The following MID2 variants were observed in gnomAD, a reference collection of about 807,000 sequenced individuals.
MID2 encodes probable E3 ubiquitin-protein ligase MID2.
MID2 carries 13 observed loss-of-function variants against 46.1 expected under a neutral mutation model. That is an observed-to-expected ratio of 0.28 (90% CI 0.18 to 0.45). MID2 has a LOEUF of 0.45. Ranked by LOEUF, MID2 falls within the 20% of genes least tolerant of loss-of-function variation. The pLI, the probability that MID2 is intolerant of heterozygous loss-of-function variation, is 1.00. For synonymous variants in MID2, 199 were observed against 212.3 expected (o/e 0.94, Z 0.55); for missense variants, 431 against 575.4 (o/e 0.75, Z 2.57).
intron 3 of MID2, among the ~76,000 whole-genome samples, chrX:107,869,836 A>G (rs1446905129): frequency 9.0e-6 from 1 of 110,888 alleles, no homozygotes; most frequent in Non-Finnish European, 1.9e-5. Context: ...TTATATTTAA[A>G]AAAAAAACCT....
At position 107,896,820 on chromosome X, in the gene MID2, A is replaced by G. The variant is rs1415880586; in HGVS notation, c.817-7138A>G. Among the ~76,000 whole-genome samples the G allele has an allele frequency of 2.7e-5, 3 of 111,434 alleles. No homozygotes were observed. The East Asian group carries it at 8.5e-4, about 31-fold the overall frequency. Reference sequence around the variant, plus strand: ...CACAGCCTCTCTCTCTCTCACACACACACACACACACGCACGCATACACAC... The same window carrying G: ...CACAGCCTCTCTCTCTCTCACACACGCACACACACACGCACGCATACACAC... On this transcript the variant is annotated intron_variant, in intron 3 of 9. Coordinates refer to ENST00000262843, the MANE Select transcript of MID2 (RefSeq NM_012216.4).
intron 1 of MID2, among the ~76,000 whole-genome samples, chrX:107,833,984 G>C (rs1356982941): frequency 9.1e-6 from 1 of 110,450 alleles, no homozygotes; most frequent in African/African-American, 3.3e-5. Context: ...TGTAGATATG[G>C]GGTCTTGCCA....
intron 2 of MID2, among the ~76,000 whole-genome samples, chrX:107,844,635 A>T (rs977751256): frequency 2.7e-5 from 3 of 111,189 alleles, no homozygotes; most frequent in African/African-American, 9.8e-5. Context: ...ATAGACTTCA[A>T]CTCAATATTA....
intron 3 of MID2, among the ~76,000 whole-genome samples, chrX:107,886,943 A>G (rs1402725290): frequency 8.9e-6 from 1 of 111,816 alleles, no homozygotes; most frequent in East Asian, 2.8e-4. Context: ...TTGGTGTATA[A>G]GAATGCTTGT....
At position 107,927,299 on chromosome X, in the gene MID2, A is replaced by G. The variant is rs1933200502; in HGVS notation, c.*226A>G. ...GAGTAGTCTGCGTTCAAGCCATTGG[A>G]GAAAAATTTAGAAAATGCCTCTGTT... On this transcript the variant is annotated 3_prime_UTR_variant, in exon 10 of 10. Coordinates refer to ENST00000262843, the MANE Select transcript of MID2 (RefSeq NM_012216.4). 6.6e-6 allele frequency: 2 copies of G among 301,026 alleles called. No individual in the cohort carries two copies. The highest frequency in any genetic ancestry group is 1.1e-5 in the Non-Finnish European group (2 of 174,473). 24.8% of individuals were successfully genotyped at this position (301,026 alleles called of 1,213,427 possible).
intron 8 of MID2, 28 bp downstream of exon 8, chrX:107,924,532 G>T: frequency 8.3e-7 from 1 of 1,203,719 alleles, no homozygotes; most frequent in Non-Finnish European, 1.1e-6. Flanking sequence ...CAAAAGGAAA[G>T]ATCAATTTTC....
At chrX:107,915,276 G>A (rs1021566222) in intron 5 of MID2, among the ~76,000 whole-genome samples, 2 of 112,106 alleles carry the variant, frequency 1.8e-5, no homozygotes, top group Non-Finnish European at 3.8e-5. Flanking sequence ...GATCACATAG[G>A]TCAGGTGCGG....
chrX:107,879,108 G>A (rs779604281), intron 3 of MID2, among the ~76,000 whole-genome samples: 2 of 111,292 alleles, frequency 1.8e-5, no homozygotes, highest in Admixed American at 9.6e-5. Context: ...GCATCTGGCG[G>A]GGGTGGGGCC....
chrX:107,848,810 G>A (rs1490659218), intron 2 of MID2, among the ~76,000 whole-genome samples: 1 of 111,989 alleles, frequency 8.9e-6, no homozygotes, highest in Non-Finnish European at 1.9e-5. Context: ...TGAAGCAAAA[G>A]CAAAGTAAGT....
At chrX:107,908,980 C>T (rs1270937245) in intron 5 of MID2, among the ~76,000 whole-genome samples, 1 of 111,695 alleles carries the variant, frequency 9.0e-6, no homozygotes, top group Non-Finnish European at 1.9e-5. Context: ...ATATCTGGGT[C>T]CGTTTCAATT....
chrX:107,833,499 C>T (rs1931138160), intron 1 of MID2, among the ~76,000 whole-genome samples: 1 of 109,010 alleles, frequency 9.2e-6, no homozygotes, highest in Non-Finnish European at 1.9e-5. Context: ...TGGTTTCACA[C>T]TCATGGATTT....
At chrX:107,915,687 G>C (rs1189403222) in intron 5 of MID2, among the ~76,000 whole-genome samples, 1 of 111,844 alleles carries the variant, frequency 8.9e-6, no homozygotes, top group Admixed American at 9.5e-5. Context: ...TAAAGGTCTA[G>C]TTTTGATGCT....
chrX:107,892,820 T>G (rs1005684020), intron 3 of MID2, among the ~76,000 whole-genome samples: 2 of 112,229 alleles, frequency 1.8e-5, no homozygotes, highest in African/African-American at 6.5e-5. Context: ...ACTTGACAAC[T>G]GTTGGTTAAA....
In MID2 at chrX:107,924,583, A is replaced by G. The variant is rs73533475; in HGVS notation, c.1597+79A>G. 4,125 of 1,009,470 alleles carry G rather than the reference A, an allele frequency of 4.1e-3. 100 individuals carry two copies. The African/African-American group carries it at 0.067, about 16-fold the overall frequency. 83.2% of individuals were successfully genotyped at this position (1,009,470 alleles called of 1,213,427 possible). On this transcript the variant is annotated intron_variant, in intron 8 of 9. Coordinates refer to ENST00000262843, the MANE Select transcript of MID2 (RefSeq NM_012216.4). ...GAGTACACAGCCTGAGCAGGCACTC[A>G]CAGCAGTGCATGGGGAGCAGTGGTA...
chrX:107,866,937 TC>T (rs1291230615), intron 3 of MID2, among the ~76,000 whole-genome samples: 1 of 111,769 alleles, frequency 8.9e-6, no homozygotes, highest in Non-Finnish European at 1.9e-5. Flanking sequence ...ACTATTATTA[TC>T]CCCATTTTTC....
chrX:107,834,648 A>G (rs1931166559), intron 1 of MID2, among the ~76,000 whole-genome samples: 2 of 111,931 alleles, frequency 1.8e-5, no homozygotes, highest in Non-Finnish European at 3.8e-5. Flanking sequence ...AAAAATTGGG[A>G]GCTGAGAATT....
intron 5 of MID2, among the ~76,000 whole-genome samples, chrX:107,906,269 T>A (rs1361656947): frequency 1.8e-5 from 2 of 111,690 alleles, no homozygotes; most frequent in African/African-American, 3.3e-5. Context: ...AAGGCCAGAT[T>A]TGACCTCCAT....
chrX:107,871,889 G>A (rs1054746459), intron 3 of MID2, among the ~76,000 whole-genome samples: 1 of 111,270 alleles, frequency 9.0e-6, no homozygotes, highest in Non-Finnish European at 1.9e-5. Flanking sequence ...GCAGGGTGGG[G>A]TATGGGTGGT....
chrX:107,879,666 G>A (rs759718222), intron 3 of MID2, among the ~76,000 whole-genome samples: 3 of 111,571 alleles, frequency 2.7e-5, no homozygotes, highest in Non-Finnish European at 5.6e-5. Context: ...AGGGTGGGAC[G>A]CTTGCCGGGG....
Sources: allele counts gnomAD v4.1 joint callset (sites outside exome capture counted in the v4.1 genomes callset), GRCh38; gene constraint gnomAD v4.1.1; transcripts MANE v1.5; gene names NCBI Gene and HGNC (gene_info 2026-07-23, HGNC 2026-07-21).